Variants in FANCD2OS observed in about 807,000 individuals in gnomAD.
FANCD2OS encodes the protein FANCD2 opposite strand.
Under a neutral mutation model 13.2 loss-of-function variants are expected in FANCD2OS, and 11 were observed. The observed-to-expected ratio is 0.83, with a 90% confidence interval of 0.52 to 1.38. FANCD2OS has a LOEUF of 1.38. Ranked by LOEUF, FANCD2OS falls within the 40% of genes most tolerant of loss-of-function variation. FANCD2OS has a pLI of 0.00. For synonymous variants in FANCD2OS, 69 were observed against 84.5 expected (o/e 0.82, Z 1.01); for missense variants, 217 against 213.9 (o/e 1.01, Z -0.09).
chr3:10,099,487 C>T (rs775041266), downstream of FANCD2OS: 11 of 292,230 alleles, frequency 3.8e-5, no homozygotes, highest in Middle Eastern at 1.4e-3. Context: ...AACCTGGGTG[C>T]GGTGGCTCAC....
rs1364086888 is a variant in FANCD2OS, at chr3:10,106,141, GGCT to G, written c.-8-1362_-8-1360del. Among the ~76,000 whole-genome samples the G allele has an allele frequency of 2.6e-5, 4 of 152,144 alleles. No individual in the cohort carries two copies. The East Asian group carries it at 7.7e-4, about 29-fold the overall frequency. ...ATACCACCTCAGAGGAGCTACACCA[GGCT>G]GGGAGAAAACACTTCCAAAGTCCAG... On this transcript the variant is annotated intron_variant, in intron 1 of 1. Coordinates refer to ENST00000450660, the MANE Select transcript of FANCD2OS (RefSeq NM_001164839.2).
chr3:10,101,440 C>T, downstream of FANCD2OS: 1 of 556,748 alleles, frequency 1.8e-6, no homozygotes. Context: ...GGCTGGAGTG[C>T]AGTGCTGCAA....
At chr3:10,101,119 G>T, downstream of FANCD2OS, 1 of 1,156,500 alleles carries the variant, frequency 8.6e-7, no homozygotes, top group South Asian at 1.2e-5. Context: ...TATCCTCTAG[G>T]AGCTGTATTC....
downstream of FANCD2OS, among the ~76,000 whole-genome samples, chr3:10,102,178 C>G (rs1445001529): frequency 1.4e-5 from 2 of 142,812 alleles, no homozygotes; most frequent in East Asian, 4.1e-4. Flanking sequence ...GAGTCTCACT[C>G]TATCGCTCAG....
intron 2 of FANCD2OS, chr3:10,094,465 T>C: frequency 2.1e-6 from 2 of 961,994 alleles, no homozygotes; most frequent in Non-Finnish European, 3.4e-6. Flanking sequence ...CTACCTGGGC[T>C]CCTCTGGTCC....
intron 2 of FANCD2OS, chr3:10,092,337 C>G: frequency 1.0e-6 from 1 of 998,632 alleles, no homozygotes; most frequent in South Asian, 1.3e-5. Context: ...TTTCCTTGCT[C>G]CTCTTCCCAC....
At chr3:10,087,305 A>C (rs1432779847) in intron 2 of FANCD2OS, 4 of 1,409,532 alleles carry the variant, frequency 2.8e-6, no homozygotes, top group Non-Finnish European at 3.9e-6. Flanking sequence ...TTTTTTAATG[A>C]ATAGGACTAA....
downstream of FANCD2OS, chr3:10,101,235 T>C (rs957321059): frequency 6.2e-7 from 1 of 1,613,084 alleles, no homozygotes; most frequent in African/African-American, 1.3e-5. Flanking sequence ...AGCAAGATAG[T>C]GATGAGAGTT....
downstream of FANCD2OS, among the ~76,000 whole-genome samples, chr3:10,100,484 G>C (rs974565226): frequency 6.6e-6 from 1 of 152,148 alleles, no homozygotes; most frequent in East Asian, 1.9e-4. Context: ...CAATTCTCCT[G>C]CCTCAGCCTT....
downstream of FANCD2OS, among the ~76,000 whole-genome samples, chr3:10,098,379 G>A (rs186711125): frequency 4.6e-5 from 7 of 152,280 alleles, 1 homozygote; most frequent in East Asian, 1.4e-3. Flanking sequence ...TGGTGTGATA[G>A]TGCTTAGATA....
chr3:10,086,074 T>C (rs944411499), intron 2 of FANCD2OS: 30 of 673,518 alleles, frequency 4.5e-5, no homozygotes, highest in Non-Finnish European at 7.5e-5. Context: ...TTCTCATCTA[T>C]GTATTCTGAT....
intron 2 of FANCD2OS, among the ~76,000 whole-genome samples, chr3:10,097,735 G>A (rs1467926149): frequency 1.3e-5 from 2 of 152,156 alleles, no homozygotes; most frequent in East Asian, 3.8e-4. Context: ...TTAAAGTAAA[G>A]ACAGGCATAG....
intron 2 of FANCD2OS, chr3:10,095,275 G>C (rs767563088): frequency 6.2e-7 from 1 of 1,613,858 alleles, no homozygotes; most frequent in Admixed American, 1.7e-5. Context: ...GCATTCCAAG[G>C]TAAGAAGGGG....
chr3:10,089,847 G>C (rs1231740353), intron 2 of FANCD2OS, among the ~76,000 whole-genome samples: 1 of 152,140 alleles, frequency 6.6e-6, no homozygotes, highest in Non-Finnish European at 1.5e-5. Context: ...AATATCAATA[G>C]TTATCTTAAC....
intron 1 of FANCD2OS, among the ~76,000 whole-genome samples, chr3:10,107,528 C>T (rs1357835674): frequency 6.6e-5 from 10 of 151,856 alleles, no homozygotes; most frequent in Non-Finnish European, 7.4e-5. Flanking sequence ...CCTCGTGATC[C>T]GCCCGTCTCG....
chr3:10,087,024 G>C, intron 2 of FANCD2OS: 1 of 1,177,254 alleles, frequency 8.5e-7, no homozygotes, highest in Non-Finnish European at 1.3e-6. Context: ...GGAGGATTCT[G>C]ATTAGGCCGT....
chr3:10,087,185 G>A, intron 2 of FANCD2OS: 1 of 1,613,338 alleles, frequency 6.2e-7, no homozygotes, highest in Non-Finnish European at 8.5e-7. Context: ...CCAGTTTCCA[G>A]TGTGCTCTTT....
downstream of FANCD2OS, chr3:10,101,105 T>G: frequency 2.8e-6 from 3 of 1,055,102 alleles, no homozygotes; most frequent in South Asian, 3.8e-5. Flanking sequence ...ATAGTACAGT[T>G]GTGTATCCTC....
chr3:10,081,529 G>T, exon 3 of FANCD2OS: 1 of 1,071,846 alleles, frequency 9.3e-7, no homozygotes, highest in Non-Finnish European at 1.5e-6. Flanking sequence ...AGTCACCAAG[G>T]CACTGAAATG....
Sources: gnomAD v4.1 joint callset for allele counts (sites outside exome capture counted in the v4.1 genomes callset) on GRCh38, gnomAD v4.1.1 for gene constraint, MANE v1.5 for transcripts, NCBI Gene and HGNC (gene_info 2026-07-23, HGNC 2026-07-21) for gene names.